SPP1: variants seen among roughly 807,000 people sequenced by gnomAD.
SPP1 encodes secreted phosphoprotein 1.
In SPP1, 18 loss-of-function variants were observed where a neutral mutation model predicts 20.8. That is an observed-to-expected ratio of 0.87 (90% CI 0.60 to 1.29). The LOEUF is 1.29. Among genes scored for constraint, SPP1 ranks in the 50% most tolerant of loss-of-function variants. SPP1 has a pLI of 0.00. For missense variants in SPP1, 363 were observed against 389.0 expected, an observed-to-expected ratio of 0.93 and a Z score of 0.56; for synonymous variants, 146 against 141.5, an observed-to-expected ratio of 1.03 and a Z score of -0.23.
Position 87,981,672 on chromosome 4 carries a change from G to A in SPP1, c.414G>A (p.Thr138=), listed in dbSNP as rs149310018. ...ATGAACTGGTCACTGATTTTCCCAC[G>A]GACCTGCCAGCAACCGAAGTTTTCA... The part of the protein sequence containing the change: ...ESDELVTDFP[T]DLPATEVFTP... Residue 138 remains threonine (T), a synonymous_variant, in exon 6 of 7, where the codon ACG becomes ACA. Coordinates refer to ENST00000395080, the MANE Select transcript of SPP1 (RefSeq NM_001040058.2). 2.0e-4 allele frequency: 318 copies of A among 1,614,108 alleles called. 3 individuals are homozygous for A. Among genetic ancestry groups the A allele is most frequent in the Middle Eastern group, 1.5e-3 (9 of 6,060 alleles).
chr4:87,982,907 A>G lies in SPP1; in HGVS notation c.*11A>G. 6.4e-7 allele frequency: 1 copy of G among 1,574,168 alleles called. No individual in the cohort carries two copies. Among genetic ancestry groups the G allele is most frequent in the South Asian group, 1.2e-5 (1 of 84,618 alleles). ...TCTGAGGTCAATTAAAAGGAGAAAA[A>G]ATACAATTTCTCACTTTGCATTTAG... On this transcript the variant is annotated 3_prime_UTR_variant, in exon 7 of 7. Coordinates refer to ENST00000395080, the MANE Select transcript of SPP1 (RefSeq NM_001040058.2).
At position 87,979,955 on chromosome 4, in the gene SPP1, C is replaced by T. The variant is rs1578102359; in HGVS notation, c.94-91C>T. 10 of 1,286,796 alleles carry T rather than the reference C, an allele frequency of 7.8e-6. No individual in the cohort carries two copies. The East Asian group carries it at 1.9e-4, about 25-fold the overall frequency. 79.7% of individuals were successfully genotyped at this position (1,286,796 alleles called of 1,614,324 possible). ...ACCTAAGGGTCCGGGTGACTATATG[C>T]TTCCATCAAGACTAGTGAAGAATGG... On this transcript the variant is annotated intron_variant, in intron 3 of 6. Coordinates refer to ENST00000395080, the MANE Select transcript of SPP1 (RefSeq NM_001040058.2).
At chr4:87,979,748 A>C (rs1157067365) in intron 3 of SPP1, among the ~76,000 whole-genome samples, 4 of 152,158 alleles carry the variant, frequency 2.6e-5, no homozygotes, top group African/African-American at 9.7e-5. Context: ...ACTTAACTGC[A>C]CTGTGGCTGA....
Position 87,980,387 on chromosome 4 carries a change from C to T in SPP1, c.175-6C>T. The T allele has an allele frequency of 6.2e-7, 1 of 1,614,076 alleles. No individual in the cohort carries two copies. The highest frequency in any genetic ancestry group is 8.5e-7 in the Non-Finnish European group (1 of 1,179,998). On this transcript the variant is annotated splice_polypyrimidine_tract_variant and splice_region_variant and intron_variant, in intron 4 of 6. Coordinates refer to ENST00000395080, the MANE Select transcript of SPP1 (RefSeq NM_001040058.2). ...TGCGCACTAACACGTGCCATTCCTT[C>T]TTCAGAATGCTGTGTCCTCTGAAGA...
Position 87,982,726 on chromosome 4 carries a change from G to T in SPP1, c.775G>T (p.Asp259Tyr). The T allele has an allele frequency of 1.9e-6, 3 of 1,614,124 alleles. No homozygotes were observed. The highest frequency in any genetic ancestry group is 2.5e-6 in the Non-Finnish European group (3 of 1,180,028). ...KANDESNEHS[D>Y]VIDSQELSKV... is the part of the protein sequence containing the mutation. ...CAATGATGAGAGCAATGAGCATTCC[G>T]ATGTGATTGATAGTCAGGAACTTTC... is the stretch of plus-strand genomic sequence containing the variant. Residue 259 changes from aspartate (D) to tyrosine (Y), a missense_variant, in exon 7 of 7, where the codon GAT becomes TAT. Transcript: ENST00000395080.
intron 3 of SPP1, among the ~76,000 whole-genome samples, chr4:87,978,388 CTTTTTTTTTTTTT>C (rs1159455110): frequency 5.6e-5 from 5 of 89,702 alleles, no homozygotes; most frequent in South Asian, 4.8e-4. Flanking sequence ...TTTCCGCCTT[CTTTTTTTTTTTTT>C]TTTTTTTTTT....
At position 87,981,766 on chromosome 4, in the gene SPP1, A is replaced by G; in HGVS notation, c.508A>G (p.Lys170Glu). Residue 170 changes from lysine (K) to glutamate (E), a missense_variant, in exon 6 of 7, where the codon AAA (lysine) becomes GAA (glutamate). Physicochemically the swap from Lys to Glu is moderately conservative, Grantham distance 56. Coordinates refer to ENST00000395080, the MANE Select transcript of SPP1 (RefSeq NM_001040058.2). Reference sequence around the variant, plus strand: ...TAGTGTGGTTTATGGACTGAGGTCAAAATCTAAGAAGTTTCGCAGACCTGA... The same window carrying G: ...TAGTGTGGTTTATGGACTGAGGTCAGAATCTAAGAAGTTTCGCAGACCTGA... ...GDSVVYGLRS[K>E]SKKFRRPDIQ... The G allele has an allele frequency of 6.2e-7, 1 of 1,614,072 alleles. No homozygotes were observed. Among genetic ancestry groups the G allele is most frequent in the Non-Finnish European group, 8.5e-7 (1 of 1,179,916 alleles).
At chr4:87,977,492 T>C (rs1387334152) in intron 3 of SPP1, among the ~76,000 whole-genome samples, 1 of 152,238 alleles carries the variant, frequency 6.6e-6, no homozygotes, top group Non-Finnish European at 1.5e-5. Context: ...GAACTGTTTG[T>C]ATGACCATAA....
In SPP1 at chr4:87,977,054, C is replaced by T. The variant is rs1212658220; in HGVS notation, c.55-5C>T. 2 of 1,613,812 alleles carry T rather than the reference C, an allele frequency of 1.2e-6. No homozygotes were observed. Among genetic ancestry groups the T allele is most frequent in the East Asian group, 2.2e-5 (1 of 44,878 alleles). On this transcript the variant is annotated splice_polypyrimidine_tract_variant and splice_region_variant and intron_variant, in intron 2 of 6. Transcript: ENST00000395080. ...TAATCTTTCTTCATCTTTTCTGTTT[C>T]TAAGGTTAAACAGGCTGATTCTGGA...
rs369313079 is a variant in SPP1, at chr4:87,978,629, T to A, written c.94-1417T>A. ...CATCTCCTGACCTCGTGATCCACCC[T>A]CCTTGGCCTCCCAAAGTGCTGGGAT... On this transcript the variant is annotated intron_variant, in intron 3 of 6. Coordinates refer to ENST00000395080, the MANE Select transcript of SPP1 (RefSeq NM_001040058.2). 1.3e-3 allele frequency among the ~76,000 whole-genome samples: 193 copies of A among 152,178 alleles called. 1 individual carries two copies. The highest frequency in any genetic ancestry group is 4.0e-3 in the African/African-American group (167 of 41,530).
rs151181221 is a variant in SPP1 at position 87,982,343 on chromosome 4, C to G, written c.541-149C>G. On this transcript the variant is annotated intron_variant, in intron 6 of 6. Transcript: ENST00000395080. ...ATATGTGAAAGGCCTTGGTAAAGTA[C>G]TATACAAAGTAACATGCTAGTATTA... 379 of 891,712 alleles carry G rather than the reference C, an allele frequency of 4.3e-4. 1 individual carries two copies. The African/African-American group carries it at 5.8e-3, about 14-fold the overall frequency. The allele number at this position is 891,712 out of a possible 1,614,324, so 55.2% of individuals were successfully genotyped here. A position where few individuals can be genotyped will look rare whatever the true frequency, so the allele number is the denominator to read the frequency against.
intron 1 of SPP1, 79 bp from the exon 2 acceptor site, chr4:87,976,803 T>G (rs1216142421): frequency 1.1e-6 from 1 of 884,688 alleles, no homozygotes; most frequent in Admixed American, 2.3e-5. Flanking sequence ...TGTGATCATT[T>G]TGTAATGTGG....
At position 87,978,604 on chromosome 4, in the gene SPP1, C is replaced by G. The variant is rs371535577; in HGVS notation, c.94-1442C>G. The stretch of plus-strand genomic sequence containing the variant: ...TCACCGTGTTAGCCAGGATGGTCTC[C>G]ATCTCCTGACCTCGTGATCCACCCT... On this transcript the variant is annotated intron_variant, in intron 3 of 6. Transcript: ENST00000395080. Among the ~76,000 whole-genome samples, 285 of 151,982 alleles carry G rather than the reference C, an allele frequency of 1.9e-3. 1 individual carries two copies. The highest frequency in any genetic ancestry group is 4.0e-3 in the African/African-American group (168 of 41,488).
intron 3 of SPP1, chr4:87,977,551 G>A (rs1013677468): frequency 5.1e-6 from 3 of 591,130 alleles, no homozygotes; most frequent in Non-Finnish European, 6.8e-6. Context: ...ATTGTGAAAA[G>A]AAAGTCTATG....
chr4:87,978,014 G>C (rs905350482), intron 3 of SPP1: 10 of 274,768 alleles, frequency 3.6e-5, no homozygotes, highest in South Asian at 3.1e-4. Flanking sequence ...TTTAATAAAC[G>C]AAAATATGGC....
Position 87,980,375 on chromosome 4 carries a change from G to T in SPP1, c.175-18G>T. On this transcript the variant is annotated intron_variant, in intron 4 of 6. Transcript: ENST00000395080. ...AGGCATGTGTGATGCGCACTAACACGTGCCATTCCTTCTTCAGAATGCTGT... is the reference window on the plus strand; with the variant it reads ...AGGCATGTGTGATGCGCACTAACACTTGCCATTCCTTCTTCAGAATGCTGT... 6.2e-7 allele frequency: 1 copy of T among 1,613,902 alleles called. No individual in the cohort carries two copies. The highest frequency in any genetic ancestry group is 1.1e-5 in the South Asian group (1 of 90,998).
Position 87,983,026 on chromosome 4 carries a change from A to C in SPP1, c.*130A>C, listed in dbSNP as rs746979091. The C allele has an allele frequency of 9.3e-6, 9 of 965,216 alleles. No individual in the cohort carries two copies. The highest frequency in any genetic ancestry group is 1.3e-5 in the Non-Finnish European group (9 of 672,128). 59.8% of individuals were successfully genotyped at this position (965,216 alleles called of 1,614,324 possible). ...TGAATGTGTATCTATTTGAGTCTGG[A>C]AATAACTAATGTGTTTGATAATTAG... On this transcript the variant is annotated 3_prime_UTR_variant, in exon 7 of 7. Coordinates refer to ENST00000395080, the MANE Select transcript of SPP1 (RefSeq NM_001040058.2).
At position 87,982,924 on chromosome 4, in the gene SPP1, T is replaced by C; in HGVS notation, c.*28T>C. 6.4e-7 allele frequency: 1 copy of C among 1,555,178 alleles called. No individual in the cohort carries two copies. The highest frequency in any genetic ancestry group is 8.7e-7 in the Non-Finnish European group (1 of 1,154,680). On this transcript the variant is annotated 3_prime_UTR_variant, in exon 7 of 7. Transcript: ENST00000395080. ...GGAGAAAAAATACAATTTCTCACTT[T>C]GCATTTAGTCAAAAGAAAAAATGCT...
rs1725642772 is a variant in SPP1 at position 87,981,521 on chromosome 4, T to C, written c.263T>C (p.Met88Thr). ...GAAAGCCATGACCACATGGATGATA[T>C]GGATGATGAAGATGATGATGACCAT... Reference protein sequence around the residue: ...SNESHDHMDDMDDEDDDDHVD... With the variant: ...SNESHDHMDDTDDEDDDDHVD... Residue 88 changes from methionine to threonine, a missense_variant, in exon 6 of 7, where the codon ATG (methionine) becomes ACG (threonine). Physicochemically the swap from Met to Thr is moderately conservative, Grantham distance 81 (BLOSUM62 -1). Coordinates refer to ENST00000395080, the MANE Select transcript of SPP1 (RefSeq NM_001040058.2). 3 of 1,614,158 alleles carry C rather than the reference T, an allele frequency of 1.9e-6. No individual in the cohort carries two copies. Among genetic ancestry groups the C allele is most frequent in the East Asian group, 2.2e-5 (1 of 44,882 alleles).
Sources: gnomAD v4.1 joint callset for allele counts (sites outside exome capture counted in the v4.1 genomes callset) on GRCh38, gnomAD v4.1.1 for gene constraint, MANE v1.5 for transcripts, NCBI Gene and HGNC (gene_info 2026-07-23, HGNC 2026-07-21) for gene names.